TGM6: variants seen among roughly 807,000 people sequenced by gnomAD.
TGM6 encodes the protein protein-glutamine gamma-glutamyltransferase 6.
Under a neutral mutation model 77.5 loss-of-function variants are expected in TGM6, and 74 were observed. The ratio of observed to expected loss-of-function variants is 0.96; its 90% CI spans 0.79 to 1.16. TGM6 has a LOEUF of 1.16. TGM6 is among the 50% of genes most tolerant of loss of function. The probability of loss-of-function intolerance (pLI) is 0.00; values close to 1 mark genes in which losing one functional copy is unlikely to be tolerated. For synonymous variants in TGM6, 383 were observed against 378.9 expected, an observed-to-expected ratio of 1.01 and a Z score of -0.12; for missense variants, 968 against 940.2, an observed-to-expected ratio of 1.03 and a Z score of -0.39.
chr20:2,430,910 T>C lies in TGM6; in HGVS notation c.1850T>C (p.Met617Thr), dbSNP rs550159101. The change falls in exon 12 of 13, where the codon ATG becomes ACG. Residue 617 changes from methionine (M) to threonine (T), a missense_variant. Physicochemically the swap from Met to Thr is moderately conservative, Grantham distance 81 (BLOSUM62 -1). Transcript: ENST00000202625. ...FITIKVLGPA[M>T]VGVAVTVEVT... ...CCCCTTCAGGTTCTGGGCCCAGCCATGGTGGGAGTGGCAGTTACAGTGGAA... is the reference window on the plus strand; with the variant it reads ...CCCCTTCAGGTTCTGGGCCCAGCCACGGTGGGAGTGGCAGTTACAGTGGAA... 2.5e-6 allele frequency: 4 copies of C among 1,614,000 alleles called. No homozygotes were observed. Among genetic ancestry groups the C allele is most frequent in the Admixed American group, 3.3e-5 (2 of 60,016 alleles).
intron 1 of TGM6, among the ~76,000 whole-genome samples, chr20:2,392,174 G>A (rs985328350): frequency 5.3e-5 from 8 of 152,288 alleles, no homozygotes; most frequent in Admixed American, 5.2e-4. Context: ...CATGATGTCA[G>A]GGCCAGTGCG....
At chr20:2,405,299 G>A (rs2084741925) in intron 9 of TGM6, among the ~76,000 whole-genome samples, 1 of 152,192 alleles carries the variant, frequency 6.6e-6, no homozygotes, top group Admixed American at 6.5e-5. Context: ...CAATTCATGA[G>A]CCCAATCCAG....
rs1380640604 is a variant in TGM6 at position 2,432,516 on chromosome 20, G to A, written c.1994G>A (p.Arg665Lys). 6.2e-7 allele frequency: 1 copy of A among 1,614,098 alleles called. No homozygotes were observed. The highest frequency in any genetic ancestry group is 1.7e-5 in the Admixed American group (1 of 60,012). Residue 665 changes from arginine (R) to lysine (K), a missense_variant, in exon 13 of 13, where the codon AGG becomes AAG. Physicochemically the swap from Arg to Lys is conservative, Grantham distance 26. Transcript: ENST00000202625. ...IDVPTLEPQERASVQFDITPS... is the reference protein window; with the variant it reads ...IDVPTLEPQEKASVQFDITPS... ...GTGCCTACCCTGGAGCCTCAGGAGA[G>A]GGCCTCAGTCCAGTTTGACATCACC...
In TGM6 at chr20:2,417,102, A is replaced by G. The variant is rs2084821263; in HGVS notation, c.1337-130A>G. ...CTGATTTAAAACTTTATTTACATAG[A>G]GAATCAAACACAAGGCATGTGGCGC... On this transcript the variant is annotated intron_variant, in intron 9 of 12. Coordinates refer to ENST00000202625, the MANE Select transcript of TGM6 (RefSeq NM_198994.3). 3 of 787,196 alleles carry G rather than the reference A, an allele frequency of 3.8e-6. No homozygotes were observed. In the South Asian group the frequency reaches 5.0e-5, roughly 13 times the overall value. The allele number at this position is 787,196 out of a possible 1,614,324, so 48.8% of individuals were successfully genotyped here.
In TGM6 at chr20:2,396,506, A is replaced by G. The variant is rs2084668448; in HGVS notation, c.425A>G (p.Glu142Gly). ...FVLLFNPWCA[E>G]DDVFLASEEE... ...ACCGGGCCTGATGACTGCTTTTCAG[A>G]GGACGATGTGTTTCTGGCCTCAGAG... Residue 142 changes from glutamate to glycine, a missense_variant and splice_region_variant, in exon 4 of 13, where the codon GAG becomes GGG. Glu to Gly is a moderately conservative substitution (Grantham distance 98). Coordinates refer to ENST00000202625, the MANE Select transcript of TGM6 (RefSeq NM_198994.3). 3.1e-6 allele frequency: 5 copies of G among 1,614,030 alleles called. No homozygotes were observed. The highest frequency in any genetic ancestry group is 4.2e-6 in the Non-Finnish European group (5 of 1,179,988).
intron 9 of TGM6, among the ~76,000 whole-genome samples, chr20:2,406,459 C>T (rs2084750967): frequency 6.7e-6 from 1 of 149,980 alleles, no homozygotes; most frequent in African/African-American, 2.5e-5. Context: ...TGCCACTGCA[C>T]TCCAGCCTGG....
At chr20:2,416,786 A>G (rs1034140149) in intron 9 of TGM6, among the ~76,000 whole-genome samples, 6 of 152,160 alleles carry the variant, frequency 3.9e-5, no homozygotes, top group Non-Finnish European at 5.9e-5. Context: ...GGGAGCATGA[A>G]TGGAATTTGG....
chr20:2,414,331 C>A (rs1046641109), intron 9 of TGM6, among the ~76,000 whole-genome samples: 7 of 152,170 alleles, frequency 4.6e-5, no homozygotes, highest in Non-Finnish European at 7.3e-5. Context: ...ATCATTAAGT[C>A]ATTAGGAAAA....
chr20:2,420,204 C>A (rs953370481), intron 10 of TGM6, among the ~76,000 whole-genome samples: 1 of 151,930 alleles, frequency 6.6e-6, no homozygotes, highest in Admixed American at 6.6e-5. Flanking sequence ...GAGATCGCGC[C>A]ACTGCACTCC....
At chr20:2,430,765 T>A in intron 11 of TGM6, 129 bp from the exon 12 acceptor site, 1 of 1,589,364 alleles carries the variant, frequency 6.3e-7, no homozygotes, top group Non-Finnish European at 8.6e-7. Context: ...ATAGTGGCAC[T>A]CAGCAATGGG....
intron 2 of TGM6, among the ~76,000 whole-genome samples, chr20:2,394,897 G>A (rs1055950023): frequency 8.5e-5 from 13 of 152,194 alleles, no homozygotes; most frequent in African/African-American, 1.9e-4. Context: ...ATGAAAACCC[G>A]TCAAGCACTT....
intron 1 of TGM6, among the ~76,000 whole-genome samples, chr20:2,382,502 C>T (rs1009177796): frequency 2.0e-5 from 3 of 152,204 alleles, no homozygotes; most frequent in Non-Finnish European, 4.4e-5. Context: ...TGATGATGCC[C>T]ATTGTCAGGT....
chr20:2,408,027 C>G (rs1266635683), intron 9 of TGM6, among the ~76,000 whole-genome samples: 4 of 152,088 alleles, frequency 2.6e-5, no homozygotes, highest in Admixed American at 6.5e-5. Flanking sequence ...GGAAAAGCAG[C>G]CTATGGGAGG....
At chr20:2,404,333 T>C (rs2084735330) in intron 9 of TGM6, among the ~76,000 whole-genome samples, 1 of 152,222 alleles carries the variant, frequency 6.6e-6, no homozygotes, top group Non-Finnish European at 1.5e-5. Context: ...AACAGTTGTA[T>C]TTTTTCTTAT....
At chr20:2,404,295 G>T (rs16984996) in intron 9 of TGM6, among the ~76,000 whole-genome samples, 23,201 of 152,186 alleles carry the variant, frequency 0.15, 1,933 homozygotes, top group East Asian at 0.25. Context: ...TCATTGAAGA[G>T]CCCCTACTTG....
At chr20:2,419,936 G>A (rs2084844424) in intron 10 of TGM6, among the ~76,000 whole-genome samples, 1 of 152,080 alleles carries the variant, frequency 6.6e-6, no homozygotes, top group Non-Finnish European at 1.5e-5. Flanking sequence ...ACTTTTGTTA[G>A]ACTGTATCAC....
chr20:2,428,424 C>A (rs1055999822), intron 10 of TGM6, among the ~76,000 whole-genome samples: 2 of 152,144 alleles, frequency 1.3e-5, no homozygotes, highest in Admixed American at 6.5e-5. Context: ...AAGCTCTGCT[C>A]ATGTGTATCA....
intron 9 of TGM6, among the ~76,000 whole-genome samples, chr20:2,413,126 T>C (rs1236417483): frequency 1.3e-5 from 2 of 152,204 alleles, no homozygotes; most frequent in African/African-American, 4.8e-5. Context: ...CAAAACTTAC[T>C]ACAGCCAGGC....
At chr20:2,398,125 T>C in intron 5 of TGM6, 79 bp downstream of exon 5, 1 of 1,609,144 alleles carries the variant, frequency 6.2e-7, no homozygotes, top group South Asian at 1.1e-5. Flanking sequence ...CCTGTGATTC[T>C]TCCCATCACC....
Sources: allele counts gnomAD v4.1 joint callset (sites outside exome capture counted in the v4.1 genomes callset), GRCh38; gene constraint gnomAD v4.1.1; transcripts MANE v1.5; gene names NCBI Gene and HGNC (gene_info 2026-07-23, HGNC 2026-07-21).